SMARCE1: variants seen among roughly 807,000 people sequenced by gnomAD.
SMARCE1 encodes SWI/SNF-related matrix-associated actin-dependent regulator of chromatin subfamily E member 1.
A neutral mutation model predicts 54.9 loss-of-function variants in SMARCE1; 13 were observed. The observed-to-expected ratio is 0.24, with a 90% CI of 0.15 to 0.38. The LOEUF is 0.38. SMARCE1 is among the 10% of genes least tolerant of loss of function. The probability of loss-of-function intolerance (pLI) is 1.00; values close to 1 mark genes in which losing one functional copy is unlikely to be tolerated. For missense variants in SMARCE1, 295 were observed against 523.8 expected, an observed-to-expected ratio of 0.56 and a Z score of 4.26; for synonymous variants, 151 against 175.3, an observed-to-expected ratio of 0.86 and a Z score of 1.10.
Position 40,636,378 on chromosome 17 carries a change from G to A in SMARCE1, c.369+17C>T, listed in dbSNP as rs2143997153. 2 of 1,608,048 alleles carry A rather than the reference G, an allele frequency of 1.2e-6. No homozygotes were observed. Among genetic ancestry groups the A allele is most frequent in the Non-Finnish European group, 1.7e-6 (2 of 1,176,462 alleles). ...TACTTTACACATTATCTATCCCACTGTGAGCCCCTACCCTACCTTTTCTGC... is the reference window on the plus strand; with the variant it reads ...TACTTTACACATTATCTATCCCACTATGAGCCCCTACCCTACCTTTTCTGC... On this transcript the variant is annotated intron_variant, in intron 6 of 10. Coordinates refer to ENST00000348513, the MANE Select transcript of SMARCE1 (RefSeq NM_003079.5).
chr17:40,646,316 G>A (rs1159226475), intron 1 of SMARCE1, among the ~76,000 whole-genome samples: 4 of 152,124 alleles, frequency 2.6e-5, no homozygotes, highest in African/African-American at 4.8e-5. Context: ...CAGTGCAAAA[G>A]GTAATTGGTA....
chr17:40,634,128 C>CA (rs1005179401), intron 7 of SMARCE1: 1 of 149,518 alleles, frequency 6.7e-6, no homozygotes, highest in Non-Finnish European at 1.5e-5. Flanking sequence ...CACATGCCCT[C>CA]TTTTTTTTTT....
intron 4 of SMARCE1, among the ~76,000 whole-genome samples, chr17:40,639,464 A>G (rs780990457): frequency 1.3e-5 from 2 of 152,212 alleles, no homozygotes; most frequent in Admixed American, 6.5e-5. Flanking sequence ...TATGCTTCCG[A>G]GCTTTAATAT....
chr17:40,641,820 CTT>C (rs1401441167), intron 4 of SMARCE1: 1 of 152,246 alleles, frequency 6.6e-6, no homozygotes, highest in East Asian at 1.9e-4. Context: ...AATCCTATCT[CTT>C]ATACTAAGGA....
chr17:40,631,434 C>T, intron 9 of SMARCE1, 158 bp downstream of exon 9: 1 of 557,852 alleles, frequency 1.8e-6, no homozygotes, highest in Non-Finnish European at 3.2e-6. Flanking sequence ...AGAATGGGAA[C>T]AATCTTATAA....
chr17:40,632,135 T>C, intron 8 of SMARCE1, 60 bp downstream of exon 8: 4 of 1,308,022 alleles, frequency 3.1e-6, no homozygotes, highest in Admixed American at 3.8e-5. Flanking sequence ...GTAGGAATCA[T>C]ATCACCTGGG....
At chr17:40,633,292 G>A (rs775365382) in intron 7 of SMARCE1, 1 of 152,150 alleles carries the variant, frequency 6.6e-6, no homozygotes, top group Non-Finnish European at 1.5e-5. Context: ...TTACAGGTGT[G>A]AGCCACTGCA....
rs912608828 is a variant in SMARCE1, at chr17:40,627,922, T to C, written c.*863A>G. 6.5e-6 allele frequency: 1 copy of C among 152,672 alleles called. No individual in the cohort carries two copies. Among genetic ancestry groups the C allele is most frequent in the Non-Finnish European group, 1.5e-5 (1 of 68,044 alleles). 9.5% of individuals were successfully genotyped at this position (152,672 alleles called of 1,614,324 possible). On this transcript the variant is annotated 3_prime_UTR_variant, in exon 11 of 11. Transcript: ENST00000348513. Reference sequence around the variant, plus strand: ...CCTTGAGGTTTGGATGTTCTGATTATTGTAAAACAATTTCAAGTGGATTAA... The same window carrying C: ...CCTTGAGGTTTGGATGTTCTGATTACTGTAAAACAATTTCAAGTGGATTAA...
chr17:40,645,361 G>C (rs1597751849), intron 3 of SMARCE1: 1 of 438,450 alleles, frequency 2.3e-6, no homozygotes, highest in East Asian at 3.5e-5. Flanking sequence ...ACAGGAGGTT[G>C]GAGTTTTACA....
In SMARCE1 at chr17:40,630,726, G is replaced by C. The variant is rs1025768618; in HGVS notation, c.1015C>G (p.Pro339Ala). The C allele has an allele frequency of 2.5e-6, 4 of 1,613,822 alleles. No homozygotes were observed. The highest frequency in any genetic ancestry group is 3.4e-6 in the Non-Finnish European group (4 of 1,179,874). The change falls in exon 10 of 11, where the codon CCG (proline) becomes GCG (alanine). Residue 339 changes from proline (P) to alanine (A), a missense_variant. Coordinates refer to ENST00000348513, the MANE Select transcript of SMARCE1 (RefSeq NM_003079.5). ...GEEKKDDENI[P>A]METEETHLEE... ...GCTAGTGGGTTACCTGTCTCCATCG[G>C]AATGTTCTCGTCGTCTTTCTTCTCC...
Position 40,628,734 on chromosome 17 carries a change from A to G in SMARCE1, c.*51T>C, listed in dbSNP as rs1179207702. ...CCACGTAACACCATTAAAACCAAAA[A>G]ACATTTTTTCATTAAAAAAAGTATT... On this transcript the variant is annotated 3_prime_UTR_variant, in exon 11 of 11. Transcript: ENST00000348513. The G allele has an allele frequency of 3.3e-6, 5 of 1,496,150 alleles. No homozygotes were observed. Among genetic ancestry groups the G allele is most frequent in the Non-Finnish European group, 3.7e-6 (4 of 1,079,290 alleles). 92.7% of individuals were successfully genotyped at this position (1,496,150 alleles called of 1,614,324 possible). A position where few individuals can be genotyped will look rare whatever the true frequency, so the allele number is the denominator to read the frequency against.
At chr17:40,632,524 A>G (rs79310790) in intron 7 of SMARCE1, 157 bp from the exon 8 acceptor site, 109 of 610,368 alleles carry the variant, frequency 1.8e-4, no homozygotes, top group African/African-American at 1.7e-3. Flanking sequence ...TTACTTGATA[A>G]AAACCATACA....
intron 7 of SMARCE1, 56 bp from the exon 8 acceptor site, chr17:40,632,423 G>A (rs1567845894): frequency 6.7e-7 from 1 of 1,490,466 alleles, no homozygotes; most frequent in Non-Finnish European, 9.3e-7. Flanking sequence ...AAAAAGGAGT[G>A]TAACAATGTT....
In SMARCE1 at chr17:40,635,678, G is replaced by A. The variant is rs17557879; in HGVS notation, c.541+253C>T. The stretch of plus-strand genomic sequence containing the variant: ...CCTGATTGTGATTTAAAAACCTTTC[G>A]TGCATTTTGAGTACAAAGATTTTGA... On this transcript the variant is annotated intron_variant, in intron 7 of 10. Coordinates refer to ENST00000348513, the MANE Select transcript of SMARCE1 (RefSeq NM_003079.5). 2,257 of 283,032 alleles carry A rather than the reference G, an allele frequency of 8.0e-3. 9 individuals are homozygous for A. Among genetic ancestry groups the A allele is most frequent in the Non-Finnish European group, 0.011 (1,638 of 154,266 alleles). 17.5% of individuals were successfully genotyped at this position (283,032 alleles called of 1,614,324 possible). A position where few individuals can be genotyped will look rare whatever the true frequency, so the allele number is the denominator to read the frequency against.
chr17:40,635,032 TTC>T (rs2037132167), intron 7 of SMARCE1: 1 of 152,230 alleles, frequency 6.6e-6, no homozygotes, highest in East Asian at 1.9e-4. Flanking sequence ...TAAAAATGAC[TTC>T]TGTTTTTCCC....
At chr17:40,636,211 G>T in intron 6 of SMARCE1, 109 bp from the exon 7 acceptor site, 2 of 1,205,330 alleles carry the variant, frequency 1.7e-6, no homozygotes, top group Non-Finnish European at 1.2e-6. Flanking sequence ...CAGGGTGTTG[G>T]GATAATTATC....
chr17:40,635,774 T>C, intron 7 of SMARCE1, 157 bp downstream of exon 7: 1 of 473,420 alleles, frequency 2.1e-6, no homozygotes. Context: ...GAAATTCACA[T>C]ACAAATCTTA....
rs2037031210 is a variant in SMARCE1, at chr17:40,626,023, T to C, written c.*2762A>G. On this transcript the variant is annotated 3_prime_UTR_variant, in exon 11 of 11. Coordinates refer to ENST00000348513, the MANE Select transcript of SMARCE1 (RefSeq NM_003079.5). ...GAGGGTGGATCAGGAGGTCAAGAGT[T>C]CGAGACCAGGCTGGCAAACATGGCA... is the stretch of plus-strand genomic sequence containing the variant. 1 of 151,980 alleles carries C rather than the reference T, an allele frequency of 6.6e-6. No individual in the cohort carries two copies. The highest frequency in any genetic ancestry group is 2.1e-4 in the South Asian group (1 of 4,810). 9.4% of individuals were successfully genotyped at this position (151,980 alleles called of 1,614,324 possible). A position where few individuals can be genotyped will look rare whatever the true frequency, so the allele number is the denominator to read the frequency against.
At chr17:40,639,889 T>C (rs1265065766) in intron 4 of SMARCE1, 1 of 152,228 alleles carries the variant, frequency 6.6e-6, no homozygotes, top group African/African-American at 2.4e-5. Flanking sequence ...AAATCTGTTG[T>C]TGACTCTTTC....
Sources: allele counts gnomAD v4.1 joint callset (sites outside exome capture counted in the v4.1 genomes callset), GRCh38; gene constraint gnomAD v4.1.1; transcripts MANE v1.5; gene names NCBI Gene and HGNC (gene_info 2026-07-23, HGNC 2026-07-21).